XYLT1: variants seen among roughly 807,000 people sequenced by gnomAD.
XYLT1 encodes xylosyltransferase 1.
A neutral mutation model predicts 91.3 loss-of-function variants in XYLT1; 36 were observed. The ratio of observed to expected loss-of-function variants is 0.39; its 90% CI spans 0.30 to 0.52. The LOEUF is 0.52. Ranked by LOEUF, XYLT1 falls within the 20% of genes least tolerant of loss-of-function variation. The pLI is 0.68. For missense variants in XYLT1, 1,242 were observed against 1,284.5 expected (o/e 0.97, Z 0.51); for synonymous variants, 588 against 532.0 (o/e 1.11, Z -1.45).
Position 17,463,305 on chromosome 16 carries a change from T to C in XYLT1, c.363+7129A>G, listed in dbSNP as rs542160102. 4.6e-5 allele frequency among the ~76,000 whole-genome samples: 7 copies of C among 152,176 alleles called. No homozygotes were observed. The South Asian group carries it at 1.5e-3, about 32-fold the overall frequency. On this transcript the variant is annotated intron_variant, in intron 1 of 11. Coordinates refer to ENST00000261381, the MANE Select transcript of XYLT1 (RefSeq NM_022166.4). ...ATAATCTACAAAATGGAAGAAAATA[T>C]TTGCAAACTACCCATCTGACAAGGG...
At chr16:17,275,259 G>T (rs756863889) in intron 2 of XYLT1, among the ~76,000 whole-genome samples, 6 of 152,186 alleles carry the variant, frequency 3.9e-5, no homozygotes, top group Non-Finnish European at 8.8e-5. Flanking sequence ...CATTTCACAG[G>T]TGAAAGTATG....
intron 5 of XYLT1, among the ~76,000 whole-genome samples, chr16:17,160,719 C>T (rs1248509510): frequency 2.0e-5 from 3 of 152,174 alleles, no homozygotes; most frequent in South Asian, 2.1e-4. Context: ...GTGCATCTCC[C>T]GCGTGGTTAA....
intron 3 of XYLT1, among the ~76,000 whole-genome samples, chr16:17,221,198 A>T (rs1338883975): frequency 6.6e-6 from 1 of 152,174 alleles, no homozygotes; most frequent in East Asian, 1.9e-4. Flanking sequence ...CCTATAGTCA[A>T]TAAAGCTACG....
At chr16:17,307,537 GT>G in intron 2 of XYLT1, among the ~76,000 whole-genome samples, 1 of 152,326 alleles carries the variant, frequency 6.6e-6, no homozygotes, top group East Asian at 1.9e-4. Flanking sequence ...CTGAAAGAGA[GT>G]TTTTATGGCA....
intron 3 of XYLT1, among the ~76,000 whole-genome samples, chr16:17,233,528 C>CAA (rs2033200271): frequency 6.6e-6 from 1 of 152,252 alleles, no homozygotes; most frequent in Admixed American, 6.5e-5. Flanking sequence ...CGCCCTGCTT[C>CAA]AAAGCAGAGA....
intron 2 of XYLT1, among the ~76,000 whole-genome samples, chr16:17,336,416 C>A (rs1014101755): frequency 6.6e-6 from 1 of 152,134 alleles, no homozygotes; most frequent in South Asian, 2.1e-4. Flanking sequence ...CAGCTGTCCA[C>A]GGTCAGGGGA....
intron 3 of XYLT1, among the ~76,000 whole-genome samples, chr16:17,232,683 T>C (rs923243875): frequency 6.6e-6 from 1 of 151,148 alleles, no homozygotes; most frequent in Non-Finnish European, 1.5e-5. Context: ...GTGAAAGAGA[T>C]AATAAGGTGG....
At chr16:17,232,288 T>C (rs1031923335) in intron 3 of XYLT1, among the ~76,000 whole-genome samples, 2 of 144,354 alleles carry the variant, frequency 1.4e-5, no homozygotes, top group African/African-American at 5.1e-5. Flanking sequence ...AATAAGATTA[T>C]AATATCTATA....
intron 5 of XYLT1, among the ~76,000 whole-genome samples, chr16:17,164,971 G>A (rs2141549244): frequency 6.6e-6 from 1 of 152,250 alleles, no homozygotes; most frequent in Middle Eastern, 3.4e-3. Context: ...GCTCCATTGA[G>A]GGCTGTGTAA....
chr16:17,102,576 G>C lies in XYLT1; in HGVS notation c.*6119C>G, dbSNP rs1045885. ...GACAGAAAAGGTGCAAAAAAGGGCAGGTAATGCAGTCATTTCTGAGACTCA... is the reference window on the plus strand; with the variant it reads ...GACAGAAAAGGTGCAAAAAAGGGCACGTAATGCAGTCATTTCTGAGACTCA... On this transcript the variant is annotated 3_prime_UTR_variant, in exon 12 of 12. Transcript: ENST00000261381. 0.52 allele frequency: 78,758 copies of C among 152,416 alleles called. 20,597 individuals are homozygous for C. The highest frequency in any genetic ancestry group is 0.58 in the Admixed American group (8,855 of 15,276). 9.4% of individuals were successfully genotyped at this position (152,416 alleles called of 1,614,324 possible). A position where few individuals can be genotyped will look rare whatever the true frequency, so the allele number is the denominator to read the frequency against.
At chr16:17,139,217 A>T (rs577758456) in intron 7 of XYLT1, among the ~76,000 whole-genome samples, 43 of 152,354 alleles carry the variant, frequency 2.8e-4, no homozygotes, top group Admixed American at 7.8e-4. Flanking sequence ...TATAATAGAC[A>T]GTCCCAGGCA....
intron 7 of XYLT1, chr16:17,138,883 A>AAATC (rs1463401242): frequency 5.3e-6 from 1 of 187,326 alleles, no homozygotes; most frequent in African/African-American, 2.3e-5. Context: ...TCCAACAGAC[A>AAATC]AATCAAAGGG....
At chr16:17,372,914 C>T (rs921999247) in intron 1 of XYLT1, among the ~76,000 whole-genome samples, 2 of 152,186 alleles carry the variant, frequency 1.3e-5, no homozygotes, top group Admixed American at 1.3e-4. Context: ...TCATCAAATA[C>T]GTATTTCTTT....
intron 5 of XYLT1, among the ~76,000 whole-genome samples, chr16:17,168,478 G>C (rs540359490): frequency 6.6e-6 from 1 of 152,268 alleles, no homozygotes; most frequent in Non-Finnish European, 1.5e-5. Flanking sequence ...AAATAACCTA[G>C]TGGGTACAAT....
At chr16:17,406,551 C>T (rs943727326) in intron 1 of XYLT1, among the ~76,000 whole-genome samples, 2 of 152,148 alleles carry the variant, frequency 1.3e-5, no homozygotes, top group South Asian at 2.1e-4. Context: ...GGAAAGAGAG[C>T]GGAGAAGACA....
At chr16:17,110,052 C>T (rs1459310325) in intron 11 of XYLT1, among the ~76,000 whole-genome samples, 1 of 152,168 alleles carries the variant, frequency 6.6e-6, no homozygotes, top group African/African-American at 2.4e-5. Flanking sequence ...TACAAGAGCC[C>T]AGGTACTGCA....
intron 2 of XYLT1, among the ~76,000 whole-genome samples, chr16:17,336,536 ATG>A (rs1314394389): frequency 1.3e-5 from 2 of 151,986 alleles, no homozygotes; most frequent in East Asian, 3.9e-4. Flanking sequence ...GTGGGTATGG[ATG>A]TGGATATGGA....
chr16:17,263,462 C>T (rs2033753844), intron 2 of XYLT1, among the ~76,000 whole-genome samples: 1 of 152,046 alleles, frequency 6.6e-6, no homozygotes, highest in South Asian at 2.1e-4. Flanking sequence ...CTGTGAACTT[C>T]TGCCTGGCCC....
chr16:17,283,811 G>T lies in XYLT1; in HGVS notation c.403-24313C>A, dbSNP rs1224404273. Among the ~76,000 whole-genome samples the T allele has an allele frequency of 2.6e-5, 4 of 152,168 alleles. 1 individual carries two copies. The South Asian group carries it at 8.3e-4, about 32-fold the overall frequency. On this transcript the variant is annotated intron_variant, in intron 2 of 11. Coordinates refer to ENST00000261381, the MANE Select transcript of XYLT1 (RefSeq NM_022166.4). ...ATCACTATTATCACATAGGGGCGGGGTGTGATGGTGACGTCTGTGAACAGT... is the reference window on the plus strand; with the variant it reads ...ATCACTATTATCACATAGGGGCGGGTTGTGATGGTGACGTCTGTGAACAGT...
Sources: allele counts gnomAD v4.1 joint callset (sites outside exome capture counted in the v4.1 genomes callset), GRCh38; gene constraint gnomAD v4.1.1; transcripts MANE v1.5; gene names NCBI Gene and HGNC (gene_info 2026-07-23, HGNC 2026-07-21).